SCD5: variants seen among roughly 807,000 people sequenced by gnomAD.
SCD5 encodes the protein stearoyl-CoA desaturase 5.
A neutral mutation model predicts 30.4 loss-of-function variants in SCD5; 20 were observed. That is an observed-to-expected ratio of 0.66 (90% CI 0.46 to 0.96). The LOEUF is 0.96. Ranked by LOEUF, SCD5 falls within the 40% of genes least tolerant of loss-of-function variation. The pLI is 0.00. For missense variants in SCD5, 381 were observed against 443.3 expected (o/e 0.86, Z 1.26); for synonymous variants, 173 against 176.4 (o/e 0.98, Z 0.16).
intron 1 of SCD5, among the ~76,000 whole-genome samples, chr4:82,793,984 T>A (rs1722154418): frequency 6.6e-6 from 1 of 152,092 alleles, no homozygotes. Flanking sequence ...CAGGACCAGG[T>A]ACAGACTACC....
intron 2 of SCD5, among the ~76,000 whole-genome samples, chr4:82,681,995 A>T (rs1728587407): frequency 6.6e-6 from 1 of 152,184 alleles, no homozygotes; most frequent in Non-Finnish European, 1.5e-5. Context: ...ATACCAAGGC[A>T]CCAGTGGCAT....
intron 1 of SCD5, among the ~76,000 whole-genome samples, chr4:82,718,150 G>C (rs1720272738): frequency 6.6e-6 from 1 of 150,920 alleles, no homozygotes; most frequent in East Asian, 1.9e-4. Context: ...GGAATCCAAG[G>C]TTTCACAGAA....
At chr4:82,687,704 T>C (rs7676801) in intron 2 of SCD5, among the ~76,000 whole-genome samples, 121,698 of 152,140 alleles carry the variant, frequency 0.8, 48,889 homozygotes, top group Middle Eastern at 0.87. Context: ...ACTGTAGAAA[T>C]TGAAATTGAC....
At chr4:82,795,477 A>G (rs1722191324) in intron 1 of SCD5, among the ~76,000 whole-genome samples, 1 of 152,300 alleles carries the variant, frequency 6.6e-6, no homozygotes, top group South Asian at 2.1e-4. Context: ...TATGTAGCCT[A>G]GCCATCAGCA....
At chr4:82,791,665 CTT>C (rs1722101344) in intron 1 of SCD5, among the ~76,000 whole-genome samples, 1 of 152,146 alleles carries the variant, frequency 6.6e-6, no homozygotes, top group Non-Finnish European at 1.5e-5. Flanking sequence ...TGGTTGTACT[CTT>C]GTTACACCCA....
intron 1 of SCD5, among the ~76,000 whole-genome samples, chr4:82,792,421 A>T (rs1722117001): frequency 6.6e-6 from 1 of 151,584 alleles, no homozygotes; most frequent in African/African-American, 2.4e-5. Flanking sequence ...CCTTTAGCAT[A>T]TGCCCTATCC....
chr4:82,687,090 G>A (rs1728724647), intron 2 of SCD5, among the ~76,000 whole-genome samples: 1 of 151,276 alleles, frequency 6.6e-6, no homozygotes, highest in African/African-American at 2.4e-5. Flanking sequence ...AGAATCGCTT[G>A]AACCTGGGAG....
At chr4:82,700,834 C>T (rs1305452779) in intron 2 of SCD5, among the ~76,000 whole-genome samples, 2 of 131,468 alleles carry the variant, frequency 1.5e-5, no homozygotes, top group African/African-American at 5.4e-5. Flanking sequence ...AAGACATTCT[C>T]AGACAAACCA....
intron 1 of SCD5, among the ~76,000 whole-genome samples, chr4:82,730,625 G>A (rs1312231937): frequency 1.5e-4 from 18 of 118,142 alleles, no homozygotes; most frequent in Admixed American, 9.5e-4. Flanking sequence ...TCACTCTGTT[G>A]CCCAGGCTGG....
intron 1 of SCD5, among the ~76,000 whole-genome samples, chr4:82,715,638 C>T (rs1325978313): frequency 6.7e-6 from 1 of 149,674 alleles, no homozygotes; most frequent in African/African-American, 2.5e-5. Context: ...GAACCTCATA[C>T]TGACAAGACA....
intron 3 of SCD5, chr4:82,660,631 G>T (rs942241620): frequency 6.6e-6 from 9 of 1,365,432 alleles, no homozygotes; most frequent in Non-Finnish European, 8.5e-6. Context: ...TGCTCTAGAT[G>T]TGGAAATAGA....
chr4:82,798,249 G>T, intron 1 of SCD5, 57 bp downstream of exon 1: 1 of 1,309,316 alleles, frequency 7.6e-7, no homozygotes, highest in Non-Finnish European at 9.7e-7. Flanking sequence ...GACCTCGCGC[G>T]CCCCAGCGCG....
intron 1 of SCD5, among the ~76,000 whole-genome samples, chr4:82,778,028 T>C (rs1721790435): frequency 6.6e-6 from 1 of 151,984 alleles, no homozygotes; most frequent in South Asian, 2.1e-4. Flanking sequence ...CATGGAATAT[T>C]ATGCAGCCAT....
At chr4:82,660,880 A>T in intron 3 of SCD5, 1 of 1,614,054 alleles carries the variant, frequency 6.2e-7, no homozygotes, top group Non-Finnish European at 8.5e-7. Flanking sequence ...TGACCTTCAG[A>T]ATACCTCCAG....
At chr4:82,689,602 C>T (rs1377166840) in intron 2 of SCD5, among the ~76,000 whole-genome samples, 1 of 152,174 alleles carries the variant, frequency 6.6e-6, no homozygotes, top group East Asian at 1.9e-4. Context: ...TACAAAATCA[C>T]CATTTTGCAG....
rs1305225958 is a variant in SCD5 at position 82,692,181 on chromosome 4, T to C, written c.364-11269A>G. On this transcript the variant is annotated intron_variant, in intron 2 of 4. Transcript: ENST00000319540. ...TCGATTGGGGCCTGTTTGTGGAGAC[T>C]CTGGGCTTCCTGGCCATGCTGACCG... The C allele has an allele frequency of 4.5e-5, 7 of 157,164 alleles. 1 individual carries two copies. Among genetic ancestry groups the C allele is most frequent in the Non-Finnish European group, 4.2e-5 (3 of 70,870 alleles). The allele number at this position is 157,164 out of a possible 1,614,324, so 9.7% of individuals were successfully genotyped here.
Position 82,790,804 on chromosome 4 carries a change from GA to G in SCD5, c.232+7501del, listed in dbSNP as rs372870623. Among the ~76,000 whole-genome samples the G allele has an allele frequency of 4.6e-3, 683 of 147,414 alleles. 2 individuals carry two copies. Among genetic ancestry groups the G allele is most frequent in the African/African-American group, 0.016 (638 of 40,272 alleles). ...AAACACCTGAATAGCATAAAATAAAGAAAAAAAAAAGCCAGGGCATCTCTTT... is the reference window on the plus strand; with the variant it reads ...AAACACCTGAATAGCATAAAATAAAGAAAAAAAAAGCCAGGGCATCTCTTT... On this transcript the variant is annotated intron_variant, in intron 1 of 4. Coordinates refer to ENST00000319540, the MANE Select transcript of SCD5 (RefSeq NM_001037582.3).
At chr4:82,708,596 G>A (rs948156582) in intron 1 of SCD5, among the ~76,000 whole-genome samples, 2 of 152,196 alleles carry the variant, frequency 1.3e-5, no homozygotes, top group African/African-American at 4.8e-5. Flanking sequence ...CCAGGGATGG[G>A]AAGAGACAGA....
At chr4:82,678,306 C>A (rs1363276614) in intron 3 of SCD5, among the ~76,000 whole-genome samples, 1 of 152,066 alleles carries the variant, frequency 6.6e-6, no homozygotes, top group African/African-American at 2.4e-5. Context: ...GTTCTTCTTC[C>A]TGCATTTAGA....
Sources: gnomAD v4.1 joint callset for allele counts (sites outside exome capture counted in the v4.1 genomes callset) on GRCh38, gnomAD v4.1.1 for gene constraint, MANE v1.5 for transcripts, NCBI Gene and HGNC (gene_info 2026-07-23, HGNC 2026-07-21) for gene names.